Variants in KRT2 observed in about 807,000 individuals in gnomAD.
KRT2 encodes the protein keratin 2.
Under a neutral mutation model 48.5 loss-of-function variants are expected in KRT2, and 37 were observed. The ratio of observed to expected loss-of-function variants is 0.76; its 90% confidence interval spans 0.59 to 1.00. KRT2 has a LOEUF of 1.00. Among genes scored for constraint, KRT2 ranks in the 50% least tolerant of loss-of-function variants. The pLI is 0.00. For missense variants in KRT2, 880 were observed against 815.2 expected (o/e 1.08, Z -0.97); for synonymous variants, 324 against 312.2 (o/e 1.04, Z -0.40).
Position 52,651,621 on chromosome 12 carries a change from C to T in KRT2, c.522G>A (p.Val174=), listed in dbSNP as rs747629711. 3 of 1,614,142 alleles carry T rather than the reference C, an allele frequency of 1.9e-6. No individual in the cohort carries two copies. In the Admixed American group the frequency reaches 5.0e-5, roughly 27 times the overall value. ...NVKVDPEIQN[V]KAQEREQIKT... is the part of the protein sequence containing the mutation. Reference sequence around the variant, plus strand: ...TGATCTGCTCACGCTCTTGGGCCTTCACATTCTGGATCTCTGGGTCAACTT... The same window carrying T: ...TGATCTGCTCACGCTCTTGGGCCTTTACATTCTGGATCTCTGGGTCAACTT... Residue 174 remains valine (V), a synonymous_variant, in exon 1 of 9, where the codon GTG becomes GTA. Coordinates refer to ENST00000309680, the MANE Select transcript of KRT2 (RefSeq NM_000423.3).
chr12:52,648,261 A>G lies in KRT2; in HGVS notation c.1034T>C (p.Leu345Ser). 6.2e-7 allele frequency: 1 copy of G among 1,614,092 alleles called. No homozygotes were observed. The highest frequency in any genetic ancestry group is 1.3e-5 in the African/African-American group (1 of 75,032). Residue 345 changes from leucine to serine, a missense_variant, in exon 5 of 9, where the codon TTG becomes TCG. By Grantham distance (145) the Leu-to-Ser change is moderately radical (BLOSUM62 -2). Transcript: ENST00000309680. ...LSMDNSRNLD[L>S]DSIIAEVKAQ... ...CTTGACCTCGGCGATGATGCTATCC[A>G]AGTCCAGGTTGCGGCTGTTGTCCAT...
chr12:52,647,054 G>A (rs2120941042), intron 6 of KRT2, 94 bp from the exon 7 acceptor site: 1 of 1,100,532 alleles, frequency 9.1e-7, no homozygotes, highest in Admixed American at 1.7e-5. Flanking sequence ...CACTGGCCCT[G>A]GGAGTGTTAG....
At position 52,648,960 on chromosome 12, in the gene KRT2, G is replaced by A. The variant is rs775083877; in HGVS notation, c.957+47C>T. ...ACCAAGCAGAAAGGACTTTCATTTGGTGAGAAGGGTGGGAAGTAAGGGACT... is the reference window on the plus strand; with the variant it reads ...ACCAAGCAGAAAGGACTTTCATTTGATGAGAAGGGTGGGAAGTAAGGGACT... On this transcript the variant is annotated intron_variant, in intron 4 of 8. Transcript: ENST00000309680. 3 of 1,187,956 alleles carry A rather than the reference G, an allele frequency of 2.5e-6. No homozygotes were observed. The South Asian group carries it at 3.6e-5, about 14-fold the overall frequency. The allele number at this position is 1,187,956 out of a possible 1,614,324, so 73.6% of individuals were successfully genotyped here.
At chr12:52,646,380 C>G (rs1381310496) in intron 7 of KRT2, among the ~76,000 whole-genome samples, 1 of 152,214 alleles carries the variant, frequency 6.6e-6, no homozygotes, top group East Asian at 1.9e-4. Context: ...TCTGGGTCAC[C>G]CGGTGGAGGG....
At position 52,645,197 on chromosome 12, in the gene KRT2, C is replaced by T; in HGVS notation, c.1742G>A (p.Gly581Glu). ...ATATCCTCCTCCAGAGATGGACCCT[C>T]CCTTAGAGCCACCACCAGATCCGTA... ...GRYGSGGGSK[G>E]GSISGGGYGS... Residue 581 changes from glycine to glutamate, a missense_variant, in exon 9 of 9, where the codon GGA becomes GAA. Physicochemically the swap from Gly to Glu is moderately conservative, Grantham distance 98. Transcript: ENST00000309680. 6.2e-7 allele frequency: 1 copy of T among 1,614,006 alleles called. No homozygotes were observed. Among genetic ancestry groups the T allele is most frequent in the Non-Finnish European group, 8.5e-7 (1 of 1,179,992 alleles).
chr12:52,646,927 C>G lies in KRT2; in HGVS notation c.1282G>C (p.Glu428Gln), dbSNP rs750086488. The G allele has an allele frequency of 6.2e-7, 1 of 1,614,114 alleles. No individual in the cohort carries two copies. Among genetic ancestry groups the G allele is most frequent in the Non-Finnish European group, 8.5e-7 (1 of 1,180,002 alleles). ...KNVQDAIADA[E>Q]QRGEHALKDA... ...TTGAGGGCATGCTCCCCACGCTGCT[C>G]GGCATCTGCGATGGCATCTTGCACA... The change falls in exon 7 of 9, where the codon GAG becomes CAG. Residue 428 changes from glutamate to glutamine, a missense_variant. Coordinates refer to ENST00000309680, the MANE Select transcript of KRT2 (RefSeq NM_000423.3).
rs1414244759 is a variant in KRT2 at position 52,644,791 on chromosome 12, C to G, written c.*228G>C. 3.9e-5 allele frequency: 23 copies of G among 594,240 alleles called. No individual in the cohort carries two copies. In the Middle Eastern group the frequency reaches 1.3e-3, roughly 35 times the overall value. 36.8% of individuals were successfully genotyped at this position (594,240 alleles called of 1,614,324 possible). On this transcript the variant is annotated 3_prime_UTR_variant, in exon 9 of 9. Coordinates refer to ENST00000309680, the MANE Select transcript of KRT2 (RefSeq NM_000423.3). Reference sequence around the variant, plus strand: ...GCATGGCTAGAAGCACAAACCTAGACAGCACAGATTCCGCCCCAGAACACA... The same window carrying G: ...GCATGGCTAGAAGCACAAACCTAGAGAGCACAGATTCCGCCCCAGAACACA...
rs1288619860 is a variant in KRT2, at chr12:52,646,869, T to C, written c.1340A>G (p.Glu447Gly). The C allele has an allele frequency of 6.2e-7, 1 of 1,614,138 alleles. No individual in the cohort carries two copies. Among genetic ancestry groups the C allele is most frequent in the South Asian group, 1.1e-5 (1 of 91,082 alleles). The change falls in exon 7 of 9, where the codon GAG becomes GGG. Residue 447 changes from glutamate (E) to glycine (G), a missense_variant. Glu to Gly is a moderately conservative substitution (Grantham distance 98, BLOSUM62 -2). Transcript: ENST00000309680. Reference protein sequence around the residue: ...DARNKLNDLEEALQQAKEDLA... With the variant: ...DARNKLNDLEGALQQAKEDLA... ...GTCCTCCTTGGCCTGCTGCAGGGCC[T>C]CCTCCAGGTCATTCAACTTGTTCCT...
intron 7 of KRT2, 141 bp downstream of exon 7, chr12:52,646,599 G>A (rs976154564): frequency 4.7e-6 from 4 of 855,984 alleles, no homozygotes; most frequent in Admixed American, 4.0e-5. Context: ...TTTCTGCTTG[G>A]GGAACACAGA....
intron 4 of KRT2, 132 bp downstream of exon 4, chr12:52,648,875 C>G (rs1186465057): frequency 2.8e-6 from 2 of 711,198 alleles, no homozygotes; most frequent in Non-Finnish European, 5.2e-6. Flanking sequence ...CCCCCAGTGG[C>G]CTGGAATGAT....
Position 52,652,061 on chromosome 12 carries a change from C to T in KRT2, c.82G>A (p.Val28Met), listed in dbSNP as rs1352721944. 6.2e-7 allele frequency: 1 copy of T among 1,603,196 alleles called. No individual in the cohort carries two copies. The highest frequency in any genetic ancestry group is 8.5e-7 in the Non-Finnish European group (1 of 1,179,748). Residue 28 changes from valine to methionine, a missense_variant, in exon 1 of 9, where the codon GTG becomes ATG. Coordinates refer to ENST00000309680, the MANE Select transcript of KRT2 (RefSeq NM_000423.3). ...GATCTCCGGCTTCCACCAGACACCA[C>T]AGCTGAGCCGCTGCTGAAGCCCCGG... ...GFRGFSSGSA[V>M]VSGGSRRSTS...
intron 5 of KRT2, 80 bp downstream of exon 5, chr12:52,648,093 T>C: frequency 6.7e-7 from 1 of 1,493,942 alleles, no homozygotes; most frequent in Admixed American, 1.7e-5. Flanking sequence ...ACCAATAACC[T>C]TACTGTACAC....
At position 52,646,813 on chromosome 12, in the gene KRT2, G is replaced by A; in HGVS notation, c.1396C>T (p.Leu466=). 2 of 1,614,136 alleles carry A rather than the reference G, an allele frequency of 1.2e-6. No individual in the cohort carries two copies. The highest frequency in any genetic ancestry group is 1.6e-4 in the Middle Eastern group (1 of 6,062). The change falls in exon 7 of 9, where the codon CTG becomes TTG. Residue 466 remains leucine (L), a synonymous_variant. Transcript: ENST00000309680. The part of the protein sequence containing the change: ...LARLLRDYQE[L]MNVKLALDVE... ...TCTAGGGCCAGCTTCACGTTCATCA[G>A]CTCCTGGTAGTCACGCAGCAGCCGC...
chr12:52,649,664 C>A (rs1175396248), intron 3 of KRT2, among the ~76,000 whole-genome samples: 1 of 152,226 alleles, frequency 6.6e-6, no homozygotes, highest in African/African-American at 2.4e-5. Flanking sequence ...TATCATGATT[C>A]AGTAGAGGCT....
intron 7 of KRT2, among the ~76,000 whole-genome samples, chr12:52,646,380 C>T (rs1381310496): frequency 6.6e-6 from 1 of 152,332 alleles, no homozygotes; most frequent in East Asian, 1.9e-4. Flanking sequence ...TCTGGGTCAC[C>T]CGGTGGAGGG....
chr12:52,650,556 G>A lies in KRT2; in HGVS notation c.586-3C>T, dbSNP rs919118408. Reference sequence around the variant, plus strand: ...TTCTGCTGCTCCAAGAACCGCACCTGCCATGACCAGAAGGAGAGCACATGA... The same window carrying A: ...TTCTGCTGCTCCAAGAACCGCACCTACCATGACCAGAAGGAGAGCACATGA... On this transcript the variant is annotated splice_polypyrimidine_tract_variant and splice_region_variant and intron_variant, in intron 1 of 8. Coordinates refer to ENST00000309680, the MANE Select transcript of KRT2 (RefSeq NM_000423.3). The A allele has an allele frequency of 3.1e-6, 5 of 1,610,908 alleles. No individual in the cohort carries two copies. The highest frequency in any genetic ancestry group is 4.2e-6 in the Non-Finnish European group (5 of 1,178,692).
chr12:52,650,951 G>C (rs761122340), intron 1 of KRT2, among the ~76,000 whole-genome samples: 1 of 152,178 alleles, frequency 6.6e-6, no homozygotes, highest in Non-Finnish European at 1.5e-5. Flanking sequence ...GAGTCCCAGA[G>C]GGCAGGGCTC....
intron 7 of KRT2, 115 bp from the exon 8 acceptor site, chr12:52,645,684 G>A: frequency 1.0e-6 from 1 of 1,004,086 alleles, no homozygotes; most frequent in Non-Finnish European, 1.6e-6. Context: ...CAGCCACCAG[G>A]GCTTACACAC....
At chr12:52,651,480 C>A (rs2669587) in intron 1 of KRT2, 78 bp downstream of exon 1, 1 of 1,129,022 alleles carries the variant, frequency 8.9e-7, no homozygotes, top group Non-Finnish European at 1.4e-6. Flanking sequence ...AAATACAAAT[C>A]TGTGCCATTT....
Sources: gnomAD v4.1 joint callset for allele counts (sites outside exome capture counted in the v4.1 genomes callset) on GRCh38, gnomAD v4.1.1 for gene constraint, MANE v1.5 for transcripts, NCBI Gene and HGNC (gene_info 2026-07-23, HGNC 2026-07-21) for gene names.